The following RGS7 variants were observed in gnomAD, a reference collection of about 807,000 sequenced individuals.
The protein encoded by RGS7 is regulator of G protein signaling 7, also known as regulator of G-protein signaling 7.
In RGS7, 27 loss-of-function variants were observed where a neutral mutation model predicts 81.1. The observed-to-expected ratio is 0.33, with a 90% CI of 0.25 to 0.46. RGS7 has a LOEUF of 0.46. Ranked by LOEUF, RGS7 falls within the 20% of genes least tolerant of loss-of-function variation. The pLI is 1.00. For missense variants in RGS7, 396 were observed against 607.4 expected (o/e 0.65, Z 3.66); for synonymous variants, 208 against 207.7 (o/e 1.00, Z -0.01).
intron 3 of RGS7, among the ~76,000 whole-genome samples, chr1:240,991,337 A>G (rs982372507): frequency 1.3e-5 from 2 of 152,252 alleles, no homozygotes; most frequent in African/African-American, 4.8e-5. Context: ...ACAGCAAGGC[A>G]GCAAAGATGA....
At chr1:241,186,692 T>A (rs775442785) in intron 2 of RGS7, among the ~76,000 whole-genome samples, 11 of 150,116 alleles carry the variant, frequency 7.3e-5, no homozygotes, top group Non-Finnish European at 1.5e-4. Flanking sequence ...CCCGGCTAAT[T>A]TTTTTTTTAT....
chr1:240,960,217 C>CTTCTTTTTTTTTTTTTTTTTTTTTTT (rs60911948), intron 4 of RGS7, among the ~76,000 whole-genome samples: 13 of 8,956 alleles, frequency 1.5e-3, no homozygotes, highest in Non-Finnish European at 1.8e-3. Flanking sequence ...TCTTCTTCTT[C>CTTCTTTTTTTTTTTTTTTTTTTTTTT]TTTTTTTTTT....
chr1:240,849,773 G>A (rs180932239), intron 9 of RGS7, among the ~76,000 whole-genome samples: 7 of 152,168 alleles, frequency 4.6e-5, no homozygotes, highest in Admixed American at 2.0e-4. Context: ...CTCACCAGAC[G>A]CAGATACTGG....
chr1:241,031,212 T>C (rs1473669717), intron 3 of RGS7, among the ~76,000 whole-genome samples: 2 of 152,236 alleles, frequency 1.3e-5, no homozygotes. Context: ...AGTGAGAACA[T>C]GTGGCATTTG....
chr1:241,209,159 TCTGG>T (rs2147912008), intron 2 of RGS7, among the ~76,000 whole-genome samples: 1 of 152,286 alleles, frequency 6.6e-6, no homozygotes, highest in East Asian at 1.9e-4. Context: ...CAGGGCACTG[TCTGG>T]GGCACTGTCT....
chr1:240,918,130 G>C (rs979621420), intron 6 of RGS7, among the ~76,000 whole-genome samples: 2 of 152,130 alleles, frequency 1.3e-5, no homozygotes, highest in Non-Finnish European at 2.9e-5. Flanking sequence ...ATTACAAAGA[G>C]AAATGGATGA....
intron 2 of RGS7, among the ~76,000 whole-genome samples, chr1:241,114,635 T>A (rs1398998397): frequency 6.6e-6 from 1 of 152,236 alleles, no homozygotes; most frequent in Non-Finnish European, 1.5e-5. Context: ...TGAGGTCGAA[T>A]AAAATGCTGA....
chr1:240,847,126 TC>T (rs781546516), intron 9 of RGS7, among the ~76,000 whole-genome samples: 4 of 152,196 alleles, frequency 2.6e-5, no homozygotes, highest in Non-Finnish European at 4.4e-5. Context: ...ACTCTTCTGA[TC>T]CCCAAAAGTA....
intron 3 of RGS7, among the ~76,000 whole-genome samples, chr1:241,021,083 G>A (rs1341756539): frequency 9.8e-5 from 15 of 152,308 alleles, no homozygotes; most frequent in Middle Eastern, 3.4e-3. Context: ...TAGCTGTACT[G>A]CCTCATCTTC....
chr1:240,963,346 T>C lies in RGS7; in HGVS notation c.226+19733A>G, dbSNP rs112142573. Among the ~76,000 whole-genome samples the C allele has an allele frequency of 9.2e-5, 14 of 152,264 alleles. 2 individuals carry two copies. Among genetic ancestry groups the C allele is most frequent in the African/African-American group, 3.4e-4 (14 of 41,558 alleles). On this transcript the variant is annotated intron_variant, in intron 4 of 18. Transcript: ENST00000440928. ...AGAGGTATATTTGTAGTGGTTATCA[T>C]ACCAACAATGGGCAAAATAAGGAAG... is the stretch of plus-strand genomic sequence containing the variant.
chr1:240,977,715 C>T (rs999889604), intron 4 of RGS7, among the ~76,000 whole-genome samples: 10 of 152,142 alleles, frequency 6.6e-5, no homozygotes, highest in East Asian at 1.9e-4. Context: ...CCCTCAATGC[C>T]GGAGTGGAAA....
At chr1:240,889,738 G>A (rs1038515151) in intron 6 of RGS7, among the ~76,000 whole-genome samples, 2 of 152,052 alleles carry the variant, frequency 1.3e-5, no homozygotes, top group African/African-American at 4.8e-5. Context: ...AGCCCACTTG[G>A]TTCTGTTACT....
At chr1:241,109,603 T>C (rs1243235249) in intron 2 of RGS7, among the ~76,000 whole-genome samples, 1 of 152,184 alleles carries the variant, frequency 6.6e-6, no homozygotes, top group African/African-American at 2.4e-5. Flanking sequence ...TTTGCTGTGT[T>C]TGTATGTTCA....
chr1:240,890,143 T>A (rs542204910), intron 6 of RGS7, among the ~76,000 whole-genome samples: 2 of 152,244 alleles, frequency 1.3e-5, no homozygotes, highest in East Asian at 1.9e-4. Context: ...TTCCTTGATC[T>A]CTGGGGCTTC....
At chr1:241,220,227 T>C (rs1268560366) in intron 2 of RGS7, among the ~76,000 whole-genome samples, 8 of 152,190 alleles carry the variant, frequency 5.3e-5, no homozygotes. Context: ...TAAAAGAAAC[T>C]TTTAAAAGAA....
At chr1:241,139,290 C>T (rs1483914978) in intron 2 of RGS7, among the ~76,000 whole-genome samples, 1 of 145,600 alleles carries the variant, frequency 6.9e-6, no homozygotes, top group Non-Finnish European at 1.5e-5. Flanking sequence ...ATCTTTCCTT[C>T]CTTCTTTCCT....
intron 6 of RGS7, among the ~76,000 whole-genome samples, chr1:240,913,448 C>T (rs989849871): frequency 7.2e-5 from 11 of 152,160 alleles, no homozygotes; most frequent in East Asian, 3.9e-4. Context: ...GGAATATTTT[C>T]GAAAGGAGTA....
chr1:240,852,224 A>G (rs985543151), intron 9 of RGS7, among the ~76,000 whole-genome samples: 1 of 152,256 alleles, frequency 6.6e-6, no homozygotes, highest in African/African-American at 2.4e-5. Flanking sequence ...AGCAGCTATC[A>G]GCACTGAGGC....
chr1:241,222,871 G>A (rs926782446), intron 2 of RGS7, among the ~76,000 whole-genome samples: 1 of 139,426 alleles, frequency 7.2e-6, no homozygotes, highest in Non-Finnish European at 1.5e-5. Context: ...ATGTCCATGT[G>A]TTCTCATTGT....
Sources: allele counts gnomAD v4.1 joint callset (sites outside exome capture counted in the v4.1 genomes callset), GRCh38; gene constraint gnomAD v4.1.1; transcripts MANE v1.5; gene names NCBI Gene and HGNC (gene_info 2026-07-23, HGNC 2026-07-21).